Variants in RAB1A observed in about 807,000 individuals in gnomAD.
RAB1A encodes the protein ras-related protein Rab-1A.
Under a neutral mutation model 26.0 loss-of-function variants are expected in RAB1A, and 2 were observed. The ratio of observed to expected loss-of-function variants is 0.08; its 90% confidence interval spans 0.03 to 0.24. The LOEUF is 0.24. RAB1A is among the 10% of genes least tolerant of loss of function. The pLI is 1.00. For missense variants in RAB1A, 100 were observed against 247.0 expected, an observed-to-expected ratio of 0.40 and a Z score of 3.99; for synonymous variants, 84 against 84.9, an observed-to-expected ratio of 0.99 and a Z score of 0.06.
chr2:65,094,491 G>T (rs565073369), intron 3 of RAB1A, among the ~76,000 whole-genome samples: 1 of 151,236 alleles, frequency 6.6e-6, no homozygotes, highest in East Asian at 1.9e-4. Context: ...GGCTGAGGCA[G>T]AAGAATCGCT....
chr2:65,094,035 A>C (rs1043517519), intron 3 of RAB1A, among the ~76,000 whole-genome samples: 1 of 152,032 alleles, frequency 6.6e-6, no homozygotes, highest in South Asian at 2.1e-4. Context: ...AAATGGCACA[A>C]TCTTGGCTCA....
At chr2:65,092,084 C>T (rs1669185381) in intron 3 of RAB1A, among the ~76,000 whole-genome samples, 1 of 152,112 alleles carries the variant, frequency 6.6e-6, no homozygotes, top group Admixed American at 6.6e-5. Context: ...ACCAGCCTGA[C>T]CAACATGGTG....
chr2:65,101,142 T>A (rs566443640), intron 2 of RAB1A, among the ~76,000 whole-genome samples: 4 of 40,594 alleles, frequency 9.9e-5, no homozygotes, highest in Admixed American at 2.9e-4. Flanking sequence ...CTAGACTCCA[T>A]CTCAAAAAAA....
intron 3 of RAB1A, among the ~76,000 whole-genome samples, chr2:65,095,928 C>A (rs1000149326): frequency 1.3e-5 from 2 of 152,004 alleles, no homozygotes; most frequent in African/African-American, 4.8e-5. Context: ...CCGAGTCAGG[C>A]AGATCACGAG....
intron 3 of RAB1A, among the ~76,000 whole-genome samples, chr2:65,091,888 C>T (rs997318122): frequency 2.6e-5 from 4 of 152,194 alleles, no homozygotes; most frequent in Admixed American, 1.3e-4. Context: ...TTTCATAAAA[C>T]GTATTTTAAG....
intron 1 of RAB1A, among the ~76,000 whole-genome samples, chr2:65,127,002 T>G (rs2103890936): frequency 6.6e-6 from 1 of 152,352 alleles, no homozygotes; most frequent in South Asian, 2.1e-4. Flanking sequence ...TCACCCTAAG[T>G]AATTTTCACT....
At chr2:65,105,843 A>C (rs1164857720) in intron 1 of RAB1A, among the ~76,000 whole-genome samples, 2 of 151,850 alleles carry the variant, frequency 1.3e-5, no homozygotes, top group African/African-American at 4.8e-5. Flanking sequence ...GCTCACTGCA[A>C]CCTCCAACTC....
At chr2:65,115,606 G>T (rs1161468083) in intron 1 of RAB1A, among the ~76,000 whole-genome samples, 1 of 152,046 alleles carries the variant, frequency 6.6e-6, no homozygotes, top group East Asian at 1.9e-4. Context: ...CTTCAGCTGT[G>T]GACAAAGCAG....
chr2:65,125,333 T>C (rs943827306), intron 1 of RAB1A, among the ~76,000 whole-genome samples: 1 of 152,032 alleles, frequency 6.6e-6, no homozygotes, highest in Non-Finnish European at 1.5e-5. Context: ...TCAAAATTAT[T>C]TTCTTGACAC....
chr2:65,095,942 A>C (rs1372943281), intron 3 of RAB1A, among the ~76,000 whole-genome samples: 1 of 152,182 alleles, frequency 6.6e-6, no homozygotes, highest in African/African-American at 2.4e-5. Flanking sequence ...TCACGAGGTC[A>C]GGAGTTCGAG....
intron 1 of RAB1A, among the ~76,000 whole-genome samples, chr2:65,110,605 G>GA (rs1185735683): frequency 5.9e-5 from 9 of 152,052 alleles, no homozygotes; most frequent in Non-Finnish European, 1.2e-4. Context: ...GAAGAAATGA[G>GA]AAAAACAGAA....
intron 1 of RAB1A, among the ~76,000 whole-genome samples, chr2:65,107,228 G>C (rs1419854623): frequency 6.6e-6 from 1 of 151,920 alleles, no homozygotes; most frequent in East Asian, 1.9e-4. Context: ...AACACACCCA[G>C]CTAATTTTTG....
intron 2 of RAB1A, 43 bp from the exon 3 acceptor site, chr2:65,098,109 G>T: frequency 8.6e-7 from 1 of 1,163,268 alleles, no homozygotes; most frequent in Non-Finnish European, 1.2e-6. Context: ...TTGTTCAGTG[G>T]AGCAGATGCA....
chr2:65,105,511 C>CAAAAAAAAAAAAAAAAAAAA (rs60594101), intron 1 of RAB1A: 1 of 33,008 alleles, frequency 3.0e-5, no homozygotes, highest in African/African-American at 1.0e-4. Context: ...AACTCTGTCT[C>CAAAAAAAAAAAAAAAAAAAA]AAAAAAAAAA....
At chr2:65,097,488 T>G (rs1669316874) in intron 3 of RAB1A, among the ~76,000 whole-genome samples, 1 of 152,226 alleles carries the variant, frequency 6.6e-6, no homozygotes, top group African/African-American at 2.4e-5. Flanking sequence ...TAAGTTCCTT[T>G]TTCCAACAAA....
At chr2:65,111,651 G>A (rs575977617) in intron 1 of RAB1A, among the ~76,000 whole-genome samples, 15 of 152,288 alleles carry the variant, frequency 9.8e-5, no homozygotes, top group African/African-American at 3.4e-4. Flanking sequence ...TTGGACAAAT[G>A]TACCATGTAT....
chr2:65,126,876 T>A (rs562006318), intron 1 of RAB1A, among the ~76,000 whole-genome samples: 1 of 152,332 alleles, frequency 6.6e-6, no homozygotes, highest in Non-Finnish European at 1.5e-5. Flanking sequence ...CTAATTACTT[T>A]TATAAAGATA....
intron 4 of RAB1A, among the ~76,000 whole-genome samples, chr2:65,090,405 A>C (rs940930973): frequency 2.6e-5 from 4 of 152,190 alleles, no homozygotes; most frequent in African/African-American, 9.7e-5. Flanking sequence ...GTAACAAAAA[A>C]AGTTATGGCC....
chr2:65,097,943 C>CA (rs1558578146), intron 3 of RAB1A, 28 bp downstream of exon 3: 2 of 1,341,506 alleles, frequency 1.5e-6, no homozygotes, highest in Non-Finnish European at 1.0e-6. Flanking sequence ...AAATAAATTT[C>CA]AAAAAAATTA....
Sources: allele counts gnomAD v4.1 joint callset (sites outside exome capture counted in the v4.1 genomes callset), GRCh38; gene constraint gnomAD v4.1.1; transcripts MANE v1.5; gene names NCBI Gene and HGNC (gene_info 2026-07-23, HGNC 2026-07-21).